Variants in CDH12 observed in about 807,000 individuals in gnomAD.
The protein encoded by CDH12 is cadherin-12.
Under a neutral mutation model 74.1 loss-of-function variants are expected in CDH12, and 41 were observed. The ratio of observed to expected loss-of-function variants is 0.55; its 90% CI spans 0.43 to 0.72. CDH12 has a LOEUF of 0.72. CDH12 is among the 30% of genes least tolerant of loss of function. The pLI, the probability that CDH12 is intolerant of heterozygous loss-of-function variation, is 0.00. For synonymous variants in CDH12, 399 were observed against 355.0 expected (o/e 1.12, Z -1.39); for missense variants, 945 against 977.2 (o/e 0.97, Z 0.44).
intron 1 of CDH12, among the ~76,000 whole-genome samples, chr5:22,509,707 G>T (rs987619521): frequency 2.6e-5 from 4 of 152,090 alleles, no homozygotes; most frequent in African/African-American, 9.7e-5. Flanking sequence ...GGAATTAGAA[G>T]AAAAAGAAAC....
At chr5:21,871,459 C>T (rs921990005) in intron 6 of CDH12, among the ~76,000 whole-genome samples, 3 of 152,198 alleles carry the variant, frequency 2.0e-5, no homozygotes, top group East Asian at 1.9e-4. Context: ...TACCGCTGGG[C>T]GCAGTGGCTC....
chr5:21,889,822 AGCTG>A lies in CDH12; in HGVS notation c.527-35036_527-35033del, dbSNP rs1283752748. 3.0e-6 allele frequency: 3 copies of A among 985,246 alleles called. No homozygotes were observed. The African/African-American group carries it at 5.2e-5, about 17-fold the overall frequency. The allele number at this position is 985,246 out of a possible 1,614,324, so 61.0% of individuals were successfully genotyped here. ...TTTCTCAATATAGATGATGAAGAAC[AGCTG>A]CCTTTGCCTAAAACCCTCTTTGTGT... On this transcript the variant is annotated intron_variant, in intron 6 of 14. Coordinates refer to ENST00000382254, the MANE Select transcript of CDH12 (RefSeq NM_004061.5).
intron 3 of CDH12, among the ~76,000 whole-genome samples, chr5:22,280,477 A>G (rs1736829332): frequency 1.3e-5 from 2 of 152,168 alleles, no homozygotes; most frequent in African/African-American, 2.4e-5. Context: ...GACCTCTAGC[A>G]AGCCTAATAA....
chr5:22,838,220 T>A (rs768070740), intron 1 of CDH12, among the ~76,000 whole-genome samples: 1 of 152,112 alleles, frequency 6.6e-6, no homozygotes, highest in Non-Finnish European at 1.5e-5. Context: ...CCCGTAGAAG[T>A]AGTTGTTCAA....
chr5:22,471,059 G>A (rs1160174289), intron 2 of CDH12, among the ~76,000 whole-genome samples: 1 of 151,526 alleles, frequency 6.6e-6, no homozygotes, highest in African/African-American at 2.4e-5. Context: ...TTTCAAAGGA[G>A]AGAAATCCAC....
intron 3 of CDH12, among the ~76,000 whole-genome samples, chr5:22,243,550 TGAAGAC>T (rs1424275984): frequency 6.6e-6 from 1 of 152,142 alleles, no homozygotes; most frequent in Non-Finnish European, 1.5e-5. Context: ...TGCGGAAACT[TGAAGAC>T]TAGATTATTT....
intron 3 of CDH12, among the ~76,000 whole-genome samples, chr5:22,274,652 A>AAT (rs575412172): frequency 4.0e-3 from 613 of 152,086 alleles, no homozygotes; most frequent in Non-Finnish European, 6.7e-3. Flanking sequence ...ATTATATGCC[A>AAT]ATATATATAT....
intron 1 of CDH12, among the ~76,000 whole-genome samples, chr5:22,513,636 TG>T (rs1253198989): frequency 3.3e-5 from 5 of 152,088 alleles, no homozygotes; most frequent in Non-Finnish European, 7.4e-5. Context: ...TATAGAAGGA[TG>T]TTATAGAGTA....
chr5:22,785,565 T>C (rs936044245), intron 1 of CDH12, among the ~76,000 whole-genome samples: 2 of 152,154 alleles, frequency 1.3e-5, no homozygotes, highest in Non-Finnish European at 2.9e-5. Flanking sequence ...TGTCATCCAT[T>C]CTTGAATGCA....
intron 4 of CDH12, among the ~76,000 whole-genome samples, chr5:22,146,132 T>C (rs1747161344): frequency 6.6e-6 from 1 of 152,060 alleles, no homozygotes; most frequent in African/African-American, 2.4e-5. Context: ...TCAATATTAG[T>C]TAATGAGGTG....
chr5:22,343,470 T>C (rs1250354852), intron 3 of CDH12, among the ~76,000 whole-genome samples: 1 of 152,056 alleles, frequency 6.6e-6, no homozygotes, highest in Admixed American at 6.6e-5. Flanking sequence ...CAGGCTGGAG[T>C]GCAGTGGCGC....
chr5:21,827,582 T>G (rs530157929), intron 8 of CDH12, among the ~76,000 whole-genome samples: 45 of 152,282 alleles, frequency 3.0e-4, no homozygotes, highest in African/African-American at 9.9e-4. Context: ...AATACTATAG[T>G]TCTACTACTT....
At chr5:22,096,432 A>G (rs1743785700) in intron 4 of CDH12, among the ~76,000 whole-genome samples, 1 of 151,916 alleles carries the variant, frequency 6.6e-6, no homozygotes, top group Non-Finnish European at 1.5e-5. Context: ...CCCAACCCCA[A>G]GTGTTGCTGA....
intron 6 of CDH12, among the ~76,000 whole-genome samples, chr5:21,953,427 C>A (rs1755955959): frequency 6.6e-6 from 1 of 152,208 alleles, no homozygotes; most frequent in African/African-American, 2.4e-5. Context: ...GTAACCCAGG[C>A]CTTGGTCACT....
chr5:22,562,296 G>A (rs1001561548), intron 1 of CDH12, among the ~76,000 whole-genome samples: 2 of 151,850 alleles, frequency 1.3e-5, no homozygotes, highest in Admixed American at 1.3e-4. Flanking sequence ...CAGCCTGGGC[G>A]ACAGAGCGAG....
At chr5:22,613,235 C>T (rs1316901164) in intron 1 of CDH12, among the ~76,000 whole-genome samples, 1 of 151,618 alleles carries the variant, frequency 6.6e-6, no homozygotes, top group Non-Finnish European at 1.5e-5. Context: ...AATGTGATGA[C>T]TTCAAAAAAA....
In CDH12 at chr5:22,464,681, T is replaced by G. The variant is rs998744857; in HGVS notation, c.-428+40589A>C. On this transcript the variant is annotated intron_variant, in intron 2 of 14. Coordinates refer to ENST00000382254, the MANE Select transcript of CDH12 (RefSeq NM_004061.5). ...CATCCTGGAGTGAGGAAAACCACTT[T>G]CCTTCCAAAATTTAGTGGAGATTTT... 2.0e-5 allele frequency among the ~76,000 whole-genome samples: 3 copies of G among 152,234 alleles called. No individual in the cohort carries two copies. The South Asian group carries it at 6.2e-4, about 32-fold the overall frequency.
intron 8 of CDH12, among the ~76,000 whole-genome samples, chr5:21,833,042 TAA>T (rs1491303218): frequency 1.9e-5 from 1 of 53,738 alleles, no homozygotes; most frequent in Non-Finnish European, 2.9e-5. Context: ...ATATAATATA[TAA>T]TATATATTAT....
intron 1 of CDH12, among the ~76,000 whole-genome samples, chr5:22,839,681 C>T (rs1437889044): frequency 1.3e-5 from 2 of 152,092 alleles, no homozygotes; most frequent in Non-Finnish European, 2.9e-5. Context: ...TTATACCCTT[C>T]ACGGTTTATA....
Sources: allele counts gnomAD v4.1 joint callset (sites outside exome capture counted in the v4.1 genomes callset), GRCh38; gene constraint gnomAD v4.1.1; transcripts MANE v1.5; gene names NCBI Gene and HGNC (gene_info 2026-07-23, HGNC 2026-07-21).